Variants in GPC6 observed in about 807,000 individuals in gnomAD.
The protein encoded by GPC6 is glypican 6, also known as glypican-6.
GPC6 carries 14 observed loss-of-function variants against 55.2 expected under a neutral mutation model. That is an observed-to-expected ratio of 0.25 (90% CI 0.17 to 0.40). The LOEUF (loss-of-function observed/expected upper bound fraction) is 0.40. Ranked by LOEUF, GPC6 falls within the 10% of genes least tolerant of loss-of-function variation. The pLI is 1.00. For missense variants in GPC6, 641 were observed against 708.5 expected, an observed-to-expected ratio of 0.90 and a Z score of 1.08; for synonymous variants, 278 against 259.6, an observed-to-expected ratio of 1.07 and a Z score of -0.68.
intron 4 of GPC6, among the ~76,000 whole-genome samples, chr13:94,135,291 T>A (rs1483662562): frequency 6.6e-6 from 1 of 152,028 alleles, no homozygotes; most frequent in East Asian, 1.9e-4. Context: ...CTGAATTAAT[T>A]ATATCTGAGA....
chr13:93,415,783 T>G (rs4771875), intron 1 of GPC6, among the ~76,000 whole-genome samples: 28,368 of 152,068 alleles, frequency 0.19, 3,362 homozygotes, highest in East Asian at 0.48. Context: ...CTTTAGGATT[T>G]TTTTGTGAAC....
chr13:93,222,085 G>C (rs1222462069), upstream of GPC6, among the ~76,000 whole-genome samples: 3 of 152,064 alleles, frequency 2.0e-5, no homozygotes, highest in Non-Finnish European at 2.9e-5. Flanking sequence ...GTTATTATTT[G>C]ATTCAGAAAC....
chr13:94,174,903 G>C (rs1300457867), intron 4 of GPC6, among the ~76,000 whole-genome samples: 1 of 152,080 alleles, frequency 6.6e-6, no homozygotes, highest in East Asian at 1.9e-4. Flanking sequence ...CATGTGTGCA[G>C]CTCAATTGAC....
At chr13:93,901,670 A>G (rs1240280515) in intron 3 of GPC6, among the ~76,000 whole-genome samples, 1 of 152,080 alleles carries the variant, frequency 6.6e-6, no homozygotes, top group Non-Finnish European at 1.5e-5. Context: ...TGGAAGGCAG[A>G]GGTAGGTGGA....
intron 2 of GPC6, among the ~76,000 whole-genome samples, chr13:93,795,709 C>G (rs779567423): frequency 6.6e-6 from 1 of 152,134 alleles, no homozygotes; most frequent in Non-Finnish European, 1.5e-5. Flanking sequence ...TTTCAAATAT[C>G]TAGTTCACAT....
chr13:93,741,956 A>T (rs1455658475), intron 2 of GPC6, among the ~76,000 whole-genome samples: 1 of 152,240 alleles, frequency 6.6e-6, no homozygotes, highest in Non-Finnish European at 1.5e-5. Context: ...TTCCAGTAAG[A>T]ACAGAGTCAG....
intron 3 of GPC6, among the ~76,000 whole-genome samples, chr13:93,964,092 A>C (rs2060464666): frequency 6.6e-6 from 1 of 152,068 alleles, no homozygotes; most frequent in Non-Finnish European, 1.5e-5. Flanking sequence ...CTTGTAACTG[A>C]TCTTTAGTTG....
rs78322048 is a variant in GPC6 at position 93,497,068 on chromosome 13, G to A, written c.161-48195G>A. On this transcript the variant is annotated intron_variant, in intron 1 of 8. Transcript: ENST00000377047. The stretch of plus-strand genomic sequence containing the variant: ...TGGCTTGTGAGATGATGACACTGAT[G>A]CCCTCGTGCTGCTGCAGCCTGACTC... 4.2e-3 allele frequency among the ~76,000 whole-genome samples: 645 copies of A among 152,262 alleles called. 2 individuals carry two copies. The highest frequency in any genetic ancestry group is 0.014 in the African/African-American group (596 of 41,552).
intron 4 of GPC6, among the ~76,000 whole-genome samples, chr13:94,112,734 G>A (rs1488800072): frequency 6.6e-6 from 1 of 152,228 alleles, no homozygotes; most frequent in Non-Finnish European, 1.5e-5. Flanking sequence ...CATCACGGAT[G>A]ATACTTTTTG....
chr13:93,280,839 T>A (rs1397194783), intron 1 of GPC6, among the ~76,000 whole-genome samples: 1 of 152,154 alleles, frequency 6.6e-6, no homozygotes, highest in Admixed American at 6.5e-5. Flanking sequence ...TATTAGATTC[T>A]CATAAGGAGT....
chr13:93,219,252 C>T, the GPC6 span, among the ~76,000 whole-genome samples: 1 of 152,092 alleles, frequency 6.6e-6, no homozygotes, highest in Admixed American at 6.6e-5. Flanking sequence ...TACCACCACG[C>T]CCAGCTAATT....
At chr13:93,758,082 A>T (rs1566520337) in intron 2 of GPC6, among the ~76,000 whole-genome samples, 1 of 152,176 alleles carries the variant, frequency 6.6e-6, no homozygotes, top group South Asian at 2.1e-4. Flanking sequence ...GTCAAATAAC[A>T]GGTTTGTGGA....
intron 1 of GPC6, among the ~76,000 whole-genome samples, chr13:93,341,003 A>G (rs1880236580): frequency 6.6e-6 from 1 of 152,074 alleles, no homozygotes; most frequent in African/African-American, 2.4e-5. Context: ...AGAACATTCA[A>G]TATTTGGTTA....
intron 4 of GPC6, among the ~76,000 whole-genome samples, chr13:94,235,113 A>G (rs144226997): frequency 7.4e-4 from 113 of 152,238 alleles, no homozygotes; most frequent in African/African-American, 2.5e-3. Context: ...TTTTCACCAC[A>G]ATAAGTTAAA....
chr13:94,210,895 T>C (rs546270525), intron 4 of GPC6, among the ~76,000 whole-genome samples: 1 of 152,346 alleles, frequency 6.6e-6, no homozygotes, highest in African/African-American at 2.4e-5. Flanking sequence ...TACTGTTTTA[T>C]TCATTGAGTC....
At chr13:93,710,247 A>G (rs1883006109) in intron 2 of GPC6, among the ~76,000 whole-genome samples, 1 of 151,828 alleles carries the variant, frequency 6.6e-6, no homozygotes, top group Non-Finnish European at 1.5e-5. Flanking sequence ...AAGTAAATGC[A>G]TCTCTAATAT....
At chr13:93,908,196 C>G (rs1448916313) in intron 3 of GPC6, among the ~76,000 whole-genome samples, 1 of 152,110 alleles carries the variant, frequency 6.6e-6, no homozygotes, top group East Asian at 1.9e-4. Flanking sequence ...AAGGTAAAGG[C>G]AGATTAACCA....
At chr13:94,352,965 A>C (rs1459598843) in intron 6 of GPC6, among the ~76,000 whole-genome samples, 4 of 152,320 alleles carry the variant, frequency 2.6e-5, no homozygotes, top group Admixed American at 2.6e-4. Context: ...CCTTTAGCTA[A>C]GGAAAACACA....
chr13:94,323,659 T>A (rs1443563864), intron 6 of GPC6, among the ~76,000 whole-genome samples: 2 of 152,188 alleles, frequency 1.3e-5, no homozygotes, highest in Non-Finnish European at 2.9e-5. Flanking sequence ...ATTCATGGCA[T>A]AATTACACTG....
Sources: gnomAD v4.1 joint callset for allele counts (sites outside exome capture counted in the v4.1 genomes callset) on GRCh38, gnomAD v4.1.1 for gene constraint, MANE v1.5 for transcripts, NCBI Gene and HGNC (gene_info 2026-07-23, HGNC 2026-07-21) for gene names.